Variants in PCDHGA11 observed in about 807,000 individuals in gnomAD.
The protein encoded by PCDHGA11 is protocadherin gamma subfamily A, 11.
Under a neutral mutation model 60.4 loss-of-function variants are expected in PCDHGA11, and 39 were observed. The ratio of observed to expected loss-of-function variants is 0.65; its 90% CI spans 0.50 to 0.84. The LOEUF is 0.84. Ranked by LOEUF, PCDHGA11 falls within the 40% of genes least tolerant of loss-of-function variation. PCDHGA11 has a pLI of 0.00. For missense variants in PCDHGA11, 1,165 were observed against 1,197.7 expected, an observed-to-expected ratio of 0.97 and a Z score of 0.40; for synonymous variants, 533 against 510.3, an observed-to-expected ratio of 1.04 and a Z score of -0.60.
In PCDHGA11 at chr5:141,512,088, A is replaced by G. The variant is rs192947391; in HGVS notation, c.*915A>G. 2.6e-5 allele frequency: 4 copies of G among 152,772 alleles called. No individual in the cohort carries two copies. Among genetic ancestry groups the G allele is most frequent in the Admixed American group, 6.5e-5 (1 of 15,306 alleles). 9.5% of individuals were successfully genotyped at this position (152,772 alleles called of 1,614,324 possible). On this transcript the variant is annotated 3_prime_UTR_variant, in exon 4 of 4. Transcript: ENST00000398587. ...TCCTCCAGATTCCAGCCATAAACCAATAACTAGGCTGGACCCTTCCCACTA... is the reference window on the plus strand; with the variant it reads ...TCCTCCAGATTCCAGCCATAAACCAGTAACTAGGCTGGACCCTTCCCACTA...
intron 1 of PCDHGA11, chr5:141,428,217 C>A: frequency 8.3e-7 from 1 of 1,211,998 alleles, no homozygotes; most frequent in Non-Finnish European, 1.2e-6. Context: ...TTCACCTAGT[C>A]TTCGCAGACA....
In PCDHGA11 at chr5:141,432,177, CTG is replaced by C. The variant is rs769631339; in HGVS notation, c.2433+8520_2433+8521del. 4 of 1,614,102 alleles carry C rather than the reference CTG, an allele frequency of 2.5e-6. No homozygotes were observed. Among genetic ancestry groups the C allele is most frequent in the Admixed American group, 1.7e-5 (1 of 60,012 alleles). ...AATCCCAGAGGAGTTTCCCTCGTCT[CTG>C]TGACCGCCCACGACCCCGACTGTGA... On this transcript the variant is annotated intron_variant, in intron 1 of 3. Transcript: ENST00000398587. The surrounding 1 kb of genome is among the most constrained non-coding windows in gnomAD (Gnocchi z 6.0).
chr5:141,486,169 A>T lies in PCDHGA11; in HGVS notation c.2434-8638A>T. On this transcript the variant is annotated intron_variant, in intron 1 of 3. Transcript: ENST00000398587. The surrounding 1 kb of genome is among the most constrained non-coding windows in gnomAD (Gnocchi z 5.0). ...ATGGGGGTTCTCCAGCCATGGAGCA[A>T]CATTGCAGCCTTCGAGTGGATCTGC... 1 of 1,614,206 alleles carries T rather than the reference A, an allele frequency of 6.2e-7. No homozygotes were observed. Among genetic ancestry groups the T allele is most frequent in the Non-Finnish European group, 8.5e-7 (1 of 1,180,032 alleles).
In PCDHGA11 at chr5:141,432,021, C is replaced by G. The variant is rs746940912; in HGVS notation, c.2433+8361C>G. 1.9e-5 allele frequency: 30 copies of G among 1,614,076 alleles called. No individual in the cohort carries two copies. The highest frequency in any genetic ancestry group is 2.7e-5 in the African/African-American group (2 of 74,922). Reference sequence around the variant, plus strand: ...GAACAGGTTCCTAGCTACAACATCACAGTGACCGCCACTGACCGGGGAACC... The same window carrying G: ...GAACAGGTTCCTAGCTACAACATCAGAGTGACCGCCACTGACCGGGGAACC... On this transcript the variant is annotated intron_variant, in intron 1 of 3. Transcript: ENST00000398587. The surrounding 1 kb of genome is among the most constrained non-coding windows in gnomAD (Gnocchi z 6.0).
In PCDHGA11 at chr5:141,432,976, C is replaced by A. The variant is rs373558125; in HGVS notation, c.2433+9316C>A. The stretch of plus-strand genomic sequence containing the variant: ...GCTTGACAGGAGCGCCGGCGTCGCA[C>A]TTTGTGGGCGTGGACGGGGTGCAGG... On this transcript the variant is annotated intron_variant, in intron 1 of 3. Coordinates refer to ENST00000398587, the MANE Select transcript of PCDHGA11 (RefSeq NM_018914.3). This position sits in a 1 kb window ranked among gnomAD's most constrained non-coding sequence, Gnocchi z 6.0. 1 of 1,614,210 alleles carries A rather than the reference C, an allele frequency of 6.2e-7. No individual in the cohort carries two copies.
rs774649069 is a variant in PCDHGA11 at position 141,477,417 on chromosome 5, C to G, written c.2434-17390C>G. The G allele has an allele frequency of 1.2e-6, 2 of 1,614,172 alleles. No individual in the cohort carries two copies. The highest frequency in any genetic ancestry group is 2.7e-5 in the African/African-American group (2 of 75,032). On this transcript the variant is annotated intron_variant, in intron 1 of 3. Coordinates refer to ENST00000398587, the MANE Select transcript of PCDHGA11 (RefSeq NM_018914.3). The surrounding 1 kb of genome is among the most constrained non-coding windows in gnomAD (Gnocchi z 4.9). Reference sequence around the variant, plus strand: ...AGCATCACCGCCCGAGACGCCGGAACCCCTTCCCTCTCAGCCCTTACAATA... The same window carrying G: ...AGCATCACCGCCCGAGACGCCGGAAGCCCTTCCCTCTCAGCCCTTACAATA...
chr5:141,444,184 T>TG, intron 1 of PCDHGA11, among the ~76,000 whole-genome samples: 1 of 138,886 alleles, frequency 7.2e-6, no homozygotes, highest in South Asian at 2.4e-4. Flanking sequence ...TTTTTTTTTT[T>TG]TTTTGAGATG....
rs767330174 is a variant in PCDHGA11, at chr5:141,491,818, C to T, written c.2434-2989C>T. The T allele has an allele frequency of 1.6e-5, 24 of 1,481,560 alleles. No homozygotes were observed. The highest frequency in any genetic ancestry group is 1.9e-5 in the Non-Finnish European group (21 of 1,116,446). 91.8% of individuals were successfully genotyped at this position (1,481,560 alleles called of 1,614,324 possible). A position where few individuals can be genotyped will look rare whatever the true frequency, so the allele number is the denominator to read the frequency against. On this transcript the variant is annotated intron_variant, in intron 1 of 3. Transcript: ENST00000398587. This position sits in a 1 kb window ranked among gnomAD's most constrained non-coding sequence, Gnocchi z 6.9. ...CTCCGGCCGGCTTGGTCGCTGGCTGCGCTCCACCCGATTCTCGGGATCATT... is the reference window on the plus strand; with the variant it reads ...CTCCGGCCGGCTTGGTCGCTGGCTGTGCTCCACCCGATTCTCGGGATCATT...
chr5:141,432,287 G>T lies in PCDHGA11; in HGVS notation c.2433+8627G>T. 1 of 1,614,216 alleles carries T rather than the reference G, an allele frequency of 6.2e-7. No individual in the cohort carries two copies. The highest frequency in any genetic ancestry group is 8.5e-7 in the Non-Finnish European group (1 of 1,180,030). On this transcript the variant is annotated intron_variant, in intron 1 of 3. Coordinates refer to ENST00000398587, the MANE Select transcript of PCDHGA11 (RefSeq NM_018914.3). This position sits in a 1 kb window ranked among gnomAD's most constrained non-coding sequence, Gnocchi z 6.0. ...ATCGTCCTACGTGTCCATCAACTCC[G>T]ACACTGGGGTACTGTATGCGCTGAG...
At chr5:141,447,011 C>T (rs1213312322) in intron 1 of PCDHGA11, among the ~76,000 whole-genome samples, 1 of 143,918 alleles carries the variant, frequency 6.9e-6, no homozygotes. Flanking sequence ...TCCTAGTGTT[C>T]AGTTTTGTTT....
chr5:141,432,887 T>A lies in PCDHGA11; in HGVS notation c.2433+9227T>A, dbSNP rs146168033. On this transcript the variant is annotated intron_variant, in intron 1 of 3. Coordinates refer to ENST00000398587, the MANE Select transcript of PCDHGA11 (RefSeq NM_018914.3). The surrounding 1 kb of genome is among the most constrained non-coding windows in gnomAD (Gnocchi z 6.0). ...CTGCGTCTTCCTGGCCTTCGTCATC[T>A]TGCTGCTGGCGCTCAGGCTGCGGCG... 1.2e-6 allele frequency: 2 copies of A among 1,614,056 alleles called. No homozygotes were observed. Among genetic ancestry groups the A allele is most frequent in the Non-Finnish European group, 1.7e-6 (2 of 1,179,998 alleles).
In PCDHGA11 at chr5:141,491,272, A is replaced by G. The variant is rs2099710110; in HGVS notation, c.2434-3535A>G. On this transcript the variant is annotated intron_variant, in intron 1 of 3. Transcript: ENST00000398587. The surrounding 1 kb of genome is among the most constrained non-coding windows in gnomAD (Gnocchi z 6.9). The stretch of plus-strand genomic sequence containing the variant: ...GGACCCTGAGGAAATGCCCAAATCC[A>G]GTGACTTCCTCATACACCCTCCTGA... The G allele has an allele frequency of 1.2e-6, 2 of 1,614,084 alleles. No homozygotes were observed. Among genetic ancestry groups the G allele is most frequent in the Non-Finnish European group, 1.7e-6 (2 of 1,179,928 alleles).
At chr5:141,502,483 G>A (rs773081419) in intron 2 of PCDHGA11, among the ~76,000 whole-genome samples, 42 of 152,144 alleles carry the variant, frequency 2.8e-4, no homozygotes, top group Non-Finnish European at 4.7e-4. Context: ...GCATCACACT[G>A]GGACTCATCT....
chr5:141,426,817 C>G (rs942714141), intron 1 of PCDHGA11: 4 of 456,594 alleles, frequency 8.8e-6, no homozygotes, highest in Non-Finnish European at 1.8e-5. Flanking sequence ...GAACATTTCT[C>G]TCTGATGATG....
At chr5:141,450,055 G>A (rs1325291695) in intron 1 of PCDHGA11, among the ~76,000 whole-genome samples, 2 of 137,594 alleles carry the variant, frequency 1.5e-5, no homozygotes, top group Non-Finnish European at 3.0e-5. Flanking sequence ...CGCCCAGGCT[G>A]GAATGCAGTG....
intron 1 of PCDHGA11, among the ~76,000 whole-genome samples, chr5:141,453,176 C>A (rs1225418058): frequency 6.6e-6 from 1 of 152,042 alleles, no homozygotes; most frequent in African/African-American, 2.4e-5. Flanking sequence ...TCCAGTGGTA[C>A]AATCACAGCT....
chr5:141,494,844 C>T lies in PCDHGA11; in HGVS notation c.2471C>T (p.Ala824Val). The change falls in exon 2 of 4, where the codon GCC becomes GTC. Residue 824 changes from alanine to valine, a missense_variant. Ala to Val is a moderately conservative substitution (Grantham distance 64). Coordinates refer to ENST00000398587, the MANE Select transcript of PCDHGA11 (RefSeq NM_018914.3). ...PPNTDWRFSQ[A>V]QRPGTSGSQN... The stretch of plus-strand genomic sequence containing the variant: ...AACACGGACTGGCGTTTCTCTCAGG[C>T]CCAGAGACCCGGCACCAGCGGGTAG... The T allele has an allele frequency of 6.2e-7, 1 of 1,614,190 alleles. No homozygotes were observed. The highest frequency in any genetic ancestry group is 8.5e-7 in the Non-Finnish European group (1 of 1,180,028).
At chr5:141,492,993 G>A (rs952802686) in intron 1 of PCDHGA11, among the ~76,000 whole-genome samples, 5 of 152,216 alleles carry the variant, frequency 3.3e-5, no homozygotes, top group African/African-American at 1.2e-4. Flanking sequence ...CTGGCAGATG[G>A]AAAGCTATAG....
At chr5:141,499,648 CAT>C (rs1434824310) in intron 2 of PCDHGA11, among the ~76,000 whole-genome samples, 2 of 148,784 alleles carry the variant, frequency 1.3e-5, no homozygotes, top group Admixed American at 6.7e-5. Flanking sequence ...TCTCAGACAT[CAT>C]ATAATTTCAT....
Sources: gnomAD v4.1 joint callset for allele counts (sites outside exome capture counted in the v4.1 genomes callset) on GRCh38, gnomAD v4.1.1 for gene constraint, Gnocchi (gnomAD v3.1) non-coding constraint, MANE v1.5 for transcripts, NCBI Gene and HGNC (gene_info 2026-07-23, HGNC 2026-07-21) for gene names.